The following SPHKAP variants were observed in gnomAD, a reference collection of about 807,000 sequenced individuals.
SPHKAP encodes the protein A-kinase anchor protein SPHKAP.
A neutral mutation model predicts 137.5 loss-of-function variants in SPHKAP; 67 were observed. The observed-to-expected ratio is 0.49, with a 90% CI of 0.40 to 0.60. SPHKAP has a LOEUF of 0.60. Among genes scored for constraint, SPHKAP ranks in the 20% least tolerant of loss-of-function variants. SPHKAP has a pLI of 0.00. For synonymous variants in SPHKAP, 813 were observed against 785.3 expected (o/e 1.04, Z -0.59); for missense variants, 2,097 against 2,069.3 (o/e 1.01, Z -0.26).
chr2:227,996,419 G>C (rs72973320), intron 7 of SPHKAP, among the ~76,000 whole-genome samples: 8 of 152,030 alleles, frequency 5.3e-5, no homozygotes, highest in Non-Finnish European at 1.5e-5. Flanking sequence ...GTGAATTTCT[G>C]TCTCTCTGGT....
chr2:228,168,517 T>C lies in SPHKAP; in HGVS notation c.32+13050A>G, dbSNP rs191934232. ...ATCTGTGATTAGTGATCTTTGATGTTACTATTGTGATTATTTTGGGGCACC... is the reference window on the plus strand; with the variant it reads ...ATCTGTGATTAGTGATCTTTGATGTCACTATTGTGATTATTTTGGGGCACC... On this transcript the variant is annotated intron_variant, in intron 1 of 11. Transcript: ENST00000392056. Among the ~76,000 whole-genome samples, 649 of 152,330 alleles carry C rather than the reference T, an allele frequency of 4.3e-3. 11 individuals carry two copies. Among genetic ancestry groups the C allele is most frequent in the African/African-American group, 0.015 (607 of 41,568 alleles).
intron 2 of SPHKAP, chr2:228,109,573 T>C (rs1054589967): frequency 9.6e-5 from 15 of 156,728 alleles, no homozygotes; most frequent in African/African-American, 3.6e-4. Context: ...ATATCTGATT[T>C]CTGGTCTTGG....
At chr2:228,154,248 A>G (rs1376745895) in intron 1 of SPHKAP, among the ~76,000 whole-genome samples, 4 of 151,902 alleles carry the variant, frequency 2.6e-5, no homozygotes, top group Non-Finnish European at 5.9e-5. Flanking sequence ...TTACAAGGGG[A>G]AAATATACCT....
intron 1 of SPHKAP, among the ~76,000 whole-genome samples, chr2:228,143,917 T>C (rs74723698): frequency 0.013 from 1,974 of 152,296 alleles, 20 homozygotes; most frequent in Non-Finnish European, 0.02. Context: ...GACCGTCTGT[T>C]ACCTCTGTGA....
rs61240096 is a variant in SPHKAP, at chr2:228,133,306, CAAATAAATAAATAAATAAATAAAT to C, written c.33-1245_33-1222del. Reference sequence around the variant, plus strand: ...TGGGCCACAGAGTGAGACTCCATCTCAAATAAATAAATAAATAAATAAATAAATAAATAAATAAATAAATTACTT... The same window carrying C: ...TGGGCCACAGAGTGAGACTCCATCTCAAATAAATAAATAAATAAATTACTT... On this transcript the variant is annotated intron_variant, in intron 1 of 11. Transcript: ENST00000392056. Among the ~76,000 whole-genome samples the C allele has an allele frequency of 3.2e-4, 48 of 148,428 alleles. No homozygotes were observed. In the East Asian group the frequency reaches 8.6e-3, roughly 27 times the overall value.
At chr2:228,078,156 C>T (rs976329557) in intron 3 of SPHKAP, among the ~76,000 whole-genome samples, 1 of 152,212 alleles carries the variant, frequency 6.6e-6, no homozygotes, top group Non-Finnish European at 1.5e-5. Flanking sequence ...TCAGGTATGT[C>T]TGTATCAGCA....
intron 3 of SPHKAP, among the ~76,000 whole-genome samples, chr2:228,085,178 G>C (rs1193249870): frequency 6.6e-6 from 1 of 152,166 alleles, no homozygotes; most frequent in Non-Finnish European, 1.5e-5. Context: ...TTTGGAAAGG[G>C]TCTTAAAATT....
At position 228,071,413 on chromosome 2, in the gene SPHKAP, C is replaced by T. The variant is rs1697001515; in HGVS notation, c.246+37419G>A. On this transcript the variant is annotated intron_variant, in intron 3 of 11. Coordinates refer to ENST00000392056, the MANE Select transcript of SPHKAP (RefSeq NM_001142644.2). ...CTGCAGGAACTGCATCTTCTGTTAT[C>T]TTGACATTTTTTAAGCCAAGCCTCT... is the stretch of plus-strand genomic sequence containing the variant. 2.6e-5 allele frequency among the ~76,000 whole-genome samples: 4 copies of T among 152,304 alleles called. No homozygotes were observed. The South Asian group carries it at 8.3e-4, about 32-fold the overall frequency.
chr2:228,047,672 C>T (rs953214229), intron 3 of SPHKAP, among the ~76,000 whole-genome samples: 4 of 152,106 alleles, frequency 2.6e-5, no homozygotes, highest in African/African-American at 4.8e-5. Flanking sequence ...CCTCTGTGCT[C>T]GCAGAGCTAG....
chr2:228,118,912 G>A (rs891223056), intron 2 of SPHKAP, among the ~76,000 whole-genome samples: 7 of 152,108 alleles, frequency 4.6e-5, no homozygotes, highest in Middle Eastern at 3.2e-3. Context: ...TTCTGTTGTA[G>A]GAGGACACGT....
In SPHKAP at chr2:228,019,367, A is replaced by G. The variant is rs1230797294; in HGVS notation, c.1487T>C (p.Leu496Pro). ...GGCTGCACAAGCTAACGCCACTTCTAGAGCACTCTGGGGTTGTCTGCTGGA... is the reference window on the plus strand; with the variant it reads ...GGCTGCACAAGCTAACGCCACTTCTGGAGCACTCTGGGGTTGTCTGCTGGA... ...ENSSRQPQSA[L>P]EVALACAATV... The change falls in exon 7 of 12, where the codon CTA (leucine) becomes CCA (proline). Residue 496 changes from leucine (L) to proline (P), a missense_variant. Coordinates refer to ENST00000392056, the MANE Select transcript of SPHKAP (RefSeq NM_001142644.2). 1.2e-6 allele frequency: 2 copies of G among 1,614,050 alleles called. No individual in the cohort carries two copies. The highest frequency in any genetic ancestry group is 2.7e-5 in the African/African-American group (2 of 74,940).
chr2:228,085,635 TTCATGGGCTTA>T (rs776451496), intron 3 of SPHKAP, among the ~76,000 whole-genome samples: 2 of 152,214 alleles, frequency 1.3e-5, no homozygotes, highest in Non-Finnish European at 2.9e-5. Context: ...AACAATTTAT[TTCATGGGCTTA>T]TCTTGAAATT....
chr2:228,121,056 T>C (rs1430178257), intron 2 of SPHKAP, among the ~76,000 whole-genome samples: 4 of 152,200 alleles, frequency 2.6e-5, no homozygotes, highest in Non-Finnish European at 5.9e-5. Flanking sequence ...TAGGAAAATA[T>C]ATGAAGTGCG....
chr2:228,130,214 A>G (rs905479590), intron 2 of SPHKAP, among the ~76,000 whole-genome samples: 5 of 152,302 alleles, frequency 3.3e-5, no homozygotes, highest in Non-Finnish European at 4.4e-5. Context: ...CAGGGAAATA[A>G]CTGTAGCTGA....
At chr2:228,140,553 G>A (rs12467510) in intron 1 of SPHKAP, among the ~76,000 whole-genome samples, 13,880 of 152,044 alleles carry the variant, frequency 0.091, 802 homozygotes, top group Middle Eastern at 0.13. Flanking sequence ...CATTATACCC[G>A]TTTTATAGAG....
At position 227,981,733 on chromosome 2, in the gene SPHKAP, A is replaced by C. The variant is rs1157467793; in HGVS notation, c.5087T>G (p.Leu1696Arg). The change falls in exon 12 of 12, where the codon CTC becomes CGC. Residue 1696 changes from leucine (L) to arginine (R), a missense_variant. Coordinates refer to ENST00000392056, the MANE Select transcript of SPHKAP (RefSeq NM_001142644.2). The part of the protein sequence containing the change: ...KDGRLSLFDW[L>R]LELG ...ACTGCCTTATTATCCCAGTTCCAAG[A>C]GCCAGTCAAAGAGACTCAGTCTCCC... 2 of 1,613,280 alleles carry C rather than the reference A, an allele frequency of 1.2e-6. No individual in the cohort carries two copies. Among genetic ancestry groups the C allele is most frequent in the African/African-American group, 2.7e-5 (2 of 74,888 alleles).
At chr2:228,096,069 T>C (rs1697972674) in intron 3 of SPHKAP, among the ~76,000 whole-genome samples, 1 of 152,176 alleles carries the variant, frequency 6.6e-6, no homozygotes, top group Non-Finnish European at 1.5e-5. Context: ...ATGGGTGGAT[T>C]GAAAACATCA....
intron 7 of SPHKAP, among the ~76,000 whole-genome samples, chr2:228,006,377 G>A (rs1198242897): frequency 2.6e-5 from 4 of 152,156 alleles, no homozygotes; most frequent in Non-Finnish European, 5.9e-5. Flanking sequence ...TCGTGCCACG[G>A]TTTTCAGCTT....
At chr2:228,165,292 TAC>T (rs1047376311) in intron 1 of SPHKAP, among the ~76,000 whole-genome samples, 8 of 152,156 alleles carry the variant, frequency 5.3e-5, no homozygotes, top group African/African-American at 1.9e-4. Flanking sequence ...GAAGTCCCAC[TAC>T]ACAGTTCTAA....
Sources: gnomAD v4.1 joint callset for allele counts (sites outside exome capture counted in the v4.1 genomes callset) on GRCh38, gnomAD v4.1.1 for gene constraint, MANE v1.5 for transcripts, NCBI Gene and HGNC (gene_info 2026-07-23, HGNC 2026-07-21) for gene names.